The following LRRC1 variants were observed in gnomAD, a reference collection of about 807,000 sequenced individuals.
The protein encoded by LRRC1 is leucine rich repeat containing 1, also known as leucine-rich repeat-containing protein 1.
Under a neutral mutation model 69.9 loss-of-function variants are expected in LRRC1, and 28 were observed. The ratio of observed to expected loss-of-function variants is 0.40; its 90% CI spans 0.30 to 0.55. The LOEUF is 0.55. Ranked by LOEUF, LRRC1 falls within the 20% of genes least tolerant of loss-of-function variation. The pLI, the probability that LRRC1 is intolerant of heterozygous loss-of-function variation, is 0.47. For missense variants in LRRC1, 498 were observed against 609.0 expected (o/e 0.82, Z 1.92); for synonymous variants, 236 against 240.2 (o/e 0.98, Z 0.16).
intron 1 of LRRC1, among the ~76,000 whole-genome samples, chr6:53,830,944 A>AT (rs199784563): frequency 2.1e-5 from 3 of 146,216 alleles, no homozygotes; most frequent in South Asian, 2.1e-4. Flanking sequence ...TAGTTATTAT[A>AT]ATTTTATATA....
At chr6:53,869,894 T>G (rs1766826837) in intron 2 of LRRC1, among the ~76,000 whole-genome samples, 2 of 152,198 alleles carry the variant, frequency 1.3e-5, no homozygotes, top group South Asian at 2.1e-4. Flanking sequence ...GCAACTTGCT[T>G]AAAGCAAACC....
At chr6:53,818,806 A>G (rs1023834301) in intron 1 of LRRC1, among the ~76,000 whole-genome samples, 4 of 152,226 alleles carry the variant, frequency 2.6e-5, no homozygotes, top group Non-Finnish European at 5.9e-5. Context: ...CTTCTAGGAA[A>G]TGGTGGTGGA....
At chr6:53,894,647 T>G (rs564245252) in intron 4 of LRRC1, among the ~76,000 whole-genome samples, 1 of 152,312 alleles carries the variant, frequency 6.6e-6, no homozygotes, top group African/African-American at 2.4e-5. Context: ...ATAAAACTGG[T>G]TAGGCATTAC....
At chr6:53,815,078 A>T (rs1764912483) in intron 1 of LRRC1, among the ~76,000 whole-genome samples, 1 of 151,782 alleles carries the variant, frequency 6.6e-6, no homozygotes, top group Non-Finnish European at 1.5e-5. Context: ...GAGTTCTTTT[A>T]AAAAATACAG....
chr6:53,892,167 G>A (rs1327858620), intron 4 of LRRC1, among the ~76,000 whole-genome samples: 1 of 152,054 alleles, frequency 6.6e-6, no homozygotes, highest in African/African-American at 2.4e-5. Context: ...ATTCCCTGGT[G>A]AATCCTGGCT....
chr6:53,857,702 A>G (rs1162299125), intron 2 of LRRC1, among the ~76,000 whole-genome samples: 1 of 152,198 alleles, frequency 6.6e-6, no homozygotes, highest in Non-Finnish European at 1.5e-5. Flanking sequence ...TGGATCTGGC[A>G]TTTGGGAGGT....
intron 3 of LRRC1, among the ~76,000 whole-genome samples, chr6:53,882,594 C>T (rs540141117): frequency 6.6e-6 from 1 of 152,058 alleles, no homozygotes; most frequent in African/African-American, 2.4e-5. Context: ...GTAGTCTCAA[C>T]ATTTTTTTGC....
chr6:53,848,481 G>A (rs889762235), intron 2 of LRRC1, among the ~76,000 whole-genome samples: 2 of 152,102 alleles, frequency 1.3e-5, no homozygotes, highest in African/African-American at 4.8e-5. Flanking sequence ...AAAACGTTGG[G>A]ATAAACTTTA....
In LRRC1 at chr6:53,899,882, G is replaced by A. The variant is rs1767992483; in HGVS notation, c.778G>A (p.Asp260Asn). 5 of 1,613,868 alleles carry A rather than the reference G, an allele frequency of 3.1e-6. No homozygotes were observed. The highest frequency in any genetic ancestry group is 1.6e-4 in the Middle Eastern group (1 of 6,062). Residue 260 changes from aspartate (D) to asparagine (N), a missense_variant, in exon 8 of 14, where the codon GAT (aspartate) becomes AAT (asparagine). Physicochemically the swap from Asp to Asn is conservative, Grantham distance 23 (BLOSUM62 1). This residue lies in a region of LRRC1 where 266 missense variants were observed against 383.9 expected (regional missense o/e 0.69). Coordinates refer to ENST00000370888, the MANE Select transcript of LRRC1 (RefSeq NM_018214.5). ...CCAGAACTTATTAGAAACGATTCCGGATGGCATTGGTAAGCATTGGAAATC... is the reference window on the plus strand; with the variant it reads ...CCAGAACTTATTAGAAACGATTCCGAATGGCATTGGTAAGCATTGGAAATC... ...ISQNLLETIP[D>N]GIGKLKKLSI...
chr6:53,811,524 A>AC (rs1764793400), intron 1 of LRRC1, among the ~76,000 whole-genome samples: 3 of 152,216 alleles, frequency 2.0e-5, no homozygotes, highest in Non-Finnish European at 4.4e-5. Flanking sequence ...CTCAAAAGAG[A>AC]AGGCCTGAGC....
intron 11 of LRRC1, among the ~76,000 whole-genome samples, chr6:53,914,634 T>TTTGTGGAACACA (rs1416889667): frequency 1.3e-5 from 2 of 152,204 alleles, no homozygotes; most frequent in Non-Finnish European, 2.9e-5. Flanking sequence ...GTGGAACACA[T>TTTGTGGAACACA]TTGTTTCCAT....
intron 2 of LRRC1, among the ~76,000 whole-genome samples, chr6:53,863,464 A>G (rs1277439526): frequency 6.6e-6 from 1 of 152,076 alleles, no homozygotes; most frequent in African/African-American, 2.4e-5. Flanking sequence ...GCTCTTCTTC[A>G]TCTCTCCACG....
intron 4 of LRRC1, among the ~76,000 whole-genome samples, chr6:53,887,206 T>C (rs1284993215): frequency 6.6e-6 from 1 of 152,302 alleles, no homozygotes; most frequent in South Asian, 2.1e-4. Context: ...AAACAGCTTC[T>C]GTTGCTCTAA....
In LRRC1 at chr6:53,882,959, A is replaced by G. The variant is rs1189686486; in HGVS notation, c.429A>G (p.Leu143=). The G allele has an allele frequency of 6.2e-7, 1 of 1,609,510 alleles. No homozygotes were observed. Among genetic ancestry groups the G allele is most frequent in the African/African-American group, 1.3e-5 (1 of 74,786 alleles). Residue 143 remains leucine (L), a synonymous_variant, in exon 4 of 14, where the codon CTA becomes CTG. Coordinates refer to ENST00000370888, the MANE Select transcript of LRRC1 (RefSeq NM_018214.5). The part of the protein sequence containing the change: ...LSVNDISLQS[L]PENIGNLYNL... Reference sequence around the variant, plus strand: ...TAAATGACATCTCACTACAGTCTCTACCTGAAAATATTGGCAAGTAAGTTT... The same window carrying G: ...TAAATGACATCTCACTACAGTCTCTGCCTGAAAATATTGGCAAGTAAGTTT...
intron 10 of LRRC1, 112 bp from the exon 11 acceptor site, chr6:53,913,742 G>GGTCTCACTGA (rs1768483069): frequency 1.8e-6 from 1 of 555,918 alleles, no homozygotes. Flanking sequence ...GGTGAGTTAT[G>GGTCTCACTGA]TGGTATAAGT....
At chr6:53,879,626 A>AAAAC (rs1014760066) in intron 3 of LRRC1, among the ~76,000 whole-genome samples, 1 of 152,150 alleles carries the variant, frequency 6.6e-6, no homozygotes, top group Non-Finnish European at 1.5e-5. Context: ...TCTGCATTAA[A>AAAAC]AAACAAACAA....
intron 1 of LRRC1, among the ~76,000 whole-genome samples, chr6:53,824,145 G>A (rs6905927): frequency 2.0e-5 from 3 of 150,052 alleles, no homozygotes; most frequent in African/African-American, 4.9e-5. Context: ...TTACAACCTC[G>A]CCAGCAGATG....
intron 2 of LRRC1, among the ~76,000 whole-genome samples, chr6:53,856,707 A>G (rs1466916346): frequency 2.0e-5 from 3 of 152,214 alleles, no homozygotes; most frequent in Admixed American, 2.0e-4. Flanking sequence ...GTGTTTGCTA[A>G]GGAATATTTT....
chr6:53,879,650 A>G (rs2127430300), intron 3 of LRRC1, among the ~76,000 whole-genome samples: 1 of 152,240 alleles, frequency 6.6e-6, no homozygotes, highest in African/African-American at 2.4e-5. Flanking sequence ...AAAAAACCCA[A>G]AAAACCCATA....
Sources: gnomAD v4.1 joint callset for allele counts (sites outside exome capture counted in the v4.1 genomes callset) on GRCh38, gnomAD v4.1.1 for gene constraint, gnomAD v4.1.1 regional missense constraint, MANE v1.5 for transcripts, NCBI Gene and HGNC (gene_info 2026-07-23, HGNC 2026-07-21) for gene names.